Variants in FER observed in about 807,000 individuals in gnomAD.
The protein encoded by FER is tyrosine-protein kinase Fer.
A neutral mutation model predicts 111.0 loss-of-function variants in FER; 63 were observed. That is an observed-to-expected ratio of 0.57 (90% CI 0.46 to 0.70). FER has a LOEUF of 0.70. FER is among the 30% of genes least tolerant of loss of function. The probability of loss-of-function intolerance (pLI) is 0.00; values close to 1 mark genes in which losing one functional copy is unlikely to be tolerated. For synonymous variants in FER, 327 were observed against 313.9 expected, an observed-to-expected ratio of 1.04 and a Z score of -0.44; for missense variants, 914 against 954.0, an observed-to-expected ratio of 0.96 and a Z score of 0.55.
rs1314935793 is a variant in FER, at chr5:108,813,498, C to T, written c.207+15109C>T. 2.0e-5 allele frequency among the ~76,000 whole-genome samples: 3 copies of T among 152,178 alleles called. No homozygotes were observed. In the East Asian group the frequency reaches 5.8e-4, roughly 29 times the overall value. ...TAGTTCTCCCTCTTCCTTTTATCTT[C>T]TTTCAGGACCCTGATTACGTATGGA... On this transcript the variant is annotated intron_variant, in intron 3 of 19. Coordinates refer to ENST00000281092, the MANE Select transcript of FER (RefSeq NM_005246.4).
chr5:108,816,902 GAT>G (rs1181778011), intron 3 of FER, among the ~76,000 whole-genome samples: 1 of 151,890 alleles, frequency 6.6e-6, no homozygotes, highest in Non-Finnish European at 1.5e-5. Flanking sequence ...AGGAGTTCAA[GAT>G]CAGCCTGGGC....
intron 13 of FER, among the ~76,000 whole-genome samples, chr5:108,976,537 G>A (rs1326252819): frequency 4.6e-5 from 7 of 152,022 alleles, no homozygotes; most frequent in African/African-American, 2.4e-5. Flanking sequence ...GGTGACGGGT[G>A]CTGACCCCCT....
intron 13 of FER, among the ~76,000 whole-genome samples, chr5:109,006,634 T>C (rs1325900409): frequency 6.6e-6 from 1 of 152,238 alleles, no homozygotes; most frequent in Non-Finnish European, 1.5e-5. Flanking sequence ...AAATTAGCTC[T>C]CTTAGCTTTT....
At chr5:109,034,440 C>G (rs1423249913) in intron 13 of FER, among the ~76,000 whole-genome samples, 1 of 151,844 alleles carries the variant, frequency 6.6e-6, no homozygotes, top group African/African-American at 2.4e-5. Flanking sequence ...TTATTAAAAG[C>G]CTGGGGTATT....
chr5:108,917,349 C>T (rs574508463), intron 10 of FER, among the ~76,000 whole-genome samples: 65 of 151,992 alleles, frequency 4.3e-4, no homozygotes, highest in Admixed American at 9.8e-4. Flanking sequence ...TTATTGTAAA[C>T]ACTTAAGATA....
chr5:108,987,722 A>G (rs1762733712), intron 13 of FER, among the ~76,000 whole-genome samples: 1 of 152,144 alleles, frequency 6.6e-6, no homozygotes, highest in African/African-American at 2.4e-5. Context: ...TAGGTATACA[A>G]TCATATCATT....
intron 14 of FER, among the ~76,000 whole-genome samples, chr5:109,041,695 G>C (rs72790579): frequency 6.6e-6 from 1 of 152,056 alleles, no homozygotes; most frequent in African/African-American, 2.4e-5. Context: ...ACACTGGGTA[G>C]ACTGACAGTT....
chr5:108,918,991 A>C (rs1752652042), intron 10 of FER, among the ~76,000 whole-genome samples: 1 of 152,216 alleles, frequency 6.6e-6, no homozygotes, highest in Non-Finnish European at 1.5e-5. Flanking sequence ...CTGAGTTTCA[A>C]AAATTTTGAA....
At chr5:108,756,003 A>T (rs1342301754) in intron 1 of FER, among the ~76,000 whole-genome samples, 86 of 150,592 alleles carry the variant, frequency 5.7e-4, no homozygotes, top group African/African-American at 2.1e-3. Context: ...AAAATACAAA[A>T]ATTAGCTGGG....
At chr5:109,051,219 C>T in intron 16 of FER, 2 of 807,924 alleles carry the variant, frequency 2.5e-6, no homozygotes, top group South Asian at 1.5e-5. Context: ...AATACCACCT[C>T]CACCGGATCA....
rs571338530 is a variant in FER, at chr5:109,188,331, C to G, written c.*756C>G. The G allele has an allele frequency of 1.4e-5, 2 of 147,282 alleles. No homozygotes were observed. The highest frequency in any genetic ancestry group is 3.4e-3 in the Middle Eastern group (1 of 294). The allele number at this position is 147,282 out of a possible 1,614,324, so 9.1% of individuals were successfully genotyped here. A position where few individuals can be genotyped will look rare whatever the true frequency, so the allele number is the denominator to read the frequency against. On this transcript the variant is annotated 3_prime_UTR_variant, in exon 20 of 20. Transcript: ENST00000281092. ...TTGGGAGGCTGAGGCAGGCGGATCA[C>G]CTGAGGTCAGGAGTTCGAGACCAGC...
chr5:109,001,660 A>G (rs1764791980), intron 13 of FER, among the ~76,000 whole-genome samples: 1 of 152,212 alleles, frequency 6.6e-6, no homozygotes, highest in African/African-American at 2.4e-5. Context: ...AAGGAAATAA[A>G]GGGCATTCAA....
chr5:109,124,090 A>G (rs1269540394), intron 17 of FER, among the ~76,000 whole-genome samples: 1 of 152,066 alleles, frequency 6.6e-6, no homozygotes. Context: ...ATAGCAGGGC[A>G]TGATGGTGTG....
intron 5 of FER, among the ~76,000 whole-genome samples, chr5:108,844,667 G>A (rs1301260968): frequency 2.0e-5 from 3 of 151,844 alleles, no homozygotes; most frequent in Middle Eastern, 3.4e-3. Flanking sequence ...GTGATCTTCC[G>A]TCTTCTATCT....
intron 16 of FER, among the ~76,000 whole-genome samples, chr5:109,062,693 G>A (rs1774582270): frequency 6.6e-6 from 1 of 152,044 alleles, no homozygotes; most frequent in African/African-American, 2.4e-5. Flanking sequence ...AATAACACCT[G>A]TGCTGACTCT....
chr5:108,765,666 A>G (rs1488136014), intron 1 of FER, among the ~76,000 whole-genome samples: 3 of 152,242 alleles, frequency 2.0e-5, no homozygotes, highest in African/African-American at 7.2e-5. Flanking sequence ...GGAAATAACC[A>G]TTTCCATAGC....
At chr5:108,764,740 C>A (rs1436340024) in intron 1 of FER, among the ~76,000 whole-genome samples, 1 of 152,076 alleles carries the variant, frequency 6.6e-6, no homozygotes, top group East Asian at 1.9e-4. Context: ...TACTTAAATT[C>A]TTTGTTTAAA....
At chr5:109,129,759 A>C (rs1037276270) in intron 17 of FER, among the ~76,000 whole-genome samples, 6 of 152,146 alleles carry the variant, frequency 3.9e-5, no homozygotes, top group African/African-American at 1.2e-4. Context: ...AATGTGTCAA[A>C]CGTCTTTAAA....
chr5:108,904,787 A>G (rs796379509), intron 10 of FER, among the ~76,000 whole-genome samples: 2 of 152,276 alleles, frequency 1.3e-5, no homozygotes, highest in South Asian at 2.1e-4. Flanking sequence ...CCTGAGAACA[A>G]TGTCAGTTAT....
Sources: gnomAD v4.1 joint callset for allele counts (sites outside exome capture counted in the v4.1 genomes callset) on GRCh38, gnomAD v4.1.1 for gene constraint, MANE v1.5 for transcripts, NCBI Gene and HGNC (gene_info 2026-07-23, HGNC 2026-07-21) for gene names.